Variants in MAPK3 observed in about 807,000 individuals in gnomAD.
The protein encoded by MAPK3 is mitogen-activated protein kinase 3, also known as MAPK 1.
A neutral mutation model predicts 41.8 loss-of-function variants in MAPK3; 30 were observed. The ratio of observed to expected loss-of-function variants is 0.72; its 90% CI spans 0.54 to 0.97. The LOEUF is 0.97. MAPK3 is among the 50% of genes least tolerant of loss of function. The pLI, the probability that MAPK3 is intolerant of heterozygous loss-of-function variation, is 0.00. For synonymous variants in MAPK3, 222 were observed against 213.4 expected, an observed-to-expected ratio of 1.04 and a Z score of -0.35; for missense variants, 413 against 509.9, an observed-to-expected ratio of 0.81 and a Z score of 1.83.
chr16:30,122,034 T>C, intron 1 of MAPK3, 28 bp from the exon 2 acceptor site: 1 of 1,612,674 alleles, frequency 6.2e-7, no homozygotes, highest in Non-Finnish European at 8.5e-7. Flanking sequence ...AGGCTGCTGC[T>C]GTGGCCTTAC....
chr16:30,122,599 A>C, intron 1 of MAPK3: 1 of 170,866 alleles, frequency 5.9e-6, no homozygotes, highest in South Asian at 1.2e-4. Context: ...GCCCTGCCCC[A>C]CCCTGATCTC....
chr16:30,116,887 GGCCC>G lies in MAPK3; in HGVS notation c.1017+3_1017+6del. 1 of 1,613,870 alleles carries G rather than the reference GGCCC, an allele frequency of 6.2e-7. No homozygotes were observed. The highest frequency in any genetic ancestry group is 8.5e-7 in the Non-Finnish European group (1 of 1,179,916). ...CCCAGCCCCACTGCTGCTGGGGACT[GGCCC>G]ACCTCATCCGTCGGGTCATAGTACT... On this transcript the variant is annotated splice_donor_5th_base_variant and intron_variant, in intron 7 of 8. Transcript: ENST00000263025.
chr16:30,122,964 C>T, intron 1 of MAPK3, 76 bp downstream of exon 1: 3 of 1,260,418 alleles, frequency 2.4e-6, no homozygotes, highest in Non-Finnish European at 2.1e-6. Context: ...TCCCGGAAAG[C>T]GCTCGGCGCC....
chr16:30,122,749 T>C, intron 1 of MAPK3: 1 of 316,888 alleles, frequency 3.2e-6, no homozygotes, highest in African/African-American at 2.2e-5. Context: ...CCTCGCCCCG[T>C]GTCACTAGGG....
intron 4 of MAPK3, 66 bp from the exon 5 acceptor site, chr16:30,117,850 G>C: frequency 7.7e-7 from 1 of 1,306,856 alleles, no homozygotes; most frequent in Non-Finnish European, 1.1e-6. Context: ...GTCTGCGCCA[G>C]GCCACCACCT....
chr16:30,118,064 T>C lies in MAPK3; in HGVS notation c.643A>G (p.Ile215Val), dbSNP rs1249867970. Residue 215 changes from isoleucine (I) to valine (V), a missense_variant, in exon 4 of 9, where the codon ATC becomes GTC. By Grantham distance (29) the Ile-to-Val change is conservative. Coordinates refer to ENST00000263025, the MANE Select transcript of MAPK3 (RefSeq NM_002746.3). ...VATRWYRAPE[I>V]MLNSKGYTKS... The stretch of plus-strand genomic sequence containing the variant: ...CCTCCTACCTTGGAGTTCAGCATGA[T>C]CTCTGGGGCCCGGTACCAGCGCGTA... 2 of 1,613,858 alleles carry C rather than the reference T, an allele frequency of 1.2e-6. No individual in the cohort carries two copies. Among genetic ancestry groups the C allele is most frequent in the African/African-American group, 2.7e-5 (2 of 74,884 alleles).
rs2072966610 is a variant in MAPK3 at position 30,117,277 on chromosome 16, C to T, written c.784G>A (p.Gly262Ser). ...DQLNHILGILGSPSQEDLNCI... is the reference protein window; with the variant it reads ...DQLNHILGILSSPSQEDLNCI... ...TTCAGGTCCTCCTGGGATGGGGAGC[C>T]CAGGATGCCTGTGGATAAGGAGGTG... Residue 262 changes from glycine (G) to serine (S), a missense_variant, in exon 6 of 9, where the codon GGC becomes AGC. By Grantham distance (56) the Gly-to-Ser change is moderately conservative (BLOSUM62 0). Coordinates refer to ENST00000263025, the MANE Select transcript of MAPK3 (RefSeq NM_002746.3). 6.2e-7 allele frequency: 1 copy of T among 1,613,716 alleles called. No individual in the cohort carries two copies. The highest frequency in any genetic ancestry group is 1.3e-5 in the African/African-American group (1 of 74,850).
At chr16:30,121,084 G>T (rs1237323841) in intron 2 of MAPK3, among the ~76,000 whole-genome samples, 1 of 151,728 alleles carries the variant, frequency 6.6e-6, no homozygotes, top group Non-Finnish European at 1.5e-5. Flanking sequence ...CTGACACACA[G>T]CAGGCCCTCA....
intron 2 of MAPK3, 149 bp downstream of exon 2, chr16:30,121,674 AC>A: frequency 1.2e-6 from 1 of 804,850 alleles, no homozygotes; most frequent in Non-Finnish European, 1.9e-6. Context: ...AAGTCCTGTT[AC>A]ACTGTGGCTT....
intron 2 of MAPK3, among the ~76,000 whole-genome samples, chr16:30,120,872 T>TG (rs2151047181): frequency 1.3e-5 from 2 of 151,424 alleles, no homozygotes; most frequent in Middle Eastern, 3.4e-3. Flanking sequence ...TTTGTAGAGG[T>TG]GGGGTCTCAC....
chr16:30,122,297 C>T, intron 1 of MAPK3: 1 of 477,134 alleles, frequency 2.1e-6, no homozygotes, highest in Non-Finnish European at 3.8e-6. Context: ...ACCCTTCGCC[C>T]CCATTCCCAG....
At chr16:30,117,495 G>A (rs1227196972) in intron 5 of MAPK3, among the ~76,000 whole-genome samples, 175 bp downstream of exon 5, 1 of 152,048 alleles carries the variant, frequency 6.6e-6, no homozygotes, top group Non-Finnish European at 1.5e-5. Context: ...CTCAGGTGTG[G>A]GACTTAGCCT....
In MAPK3 at chr16:30,123,062, C is replaced by G. The variant is rs2073033657; in HGVS notation, c.148G>C (p.Glu50Gln). ...CACCTGACCATGCCGTACGCGCCCTCGCCGATGTACTGCAACTGCGTGTAG... is the reference window on the plus strand; with the variant it reads ...CACCTGACCATGCCGTACGCGCCCTGGCCGATGTACTGCAACTGCGTGTAG... The part of the protein sequence containing the change: ...PRYTQLQYIG[E>Q]GAYGMVSSAY... Residue 50 changes from glutamate to glutamine, a missense_variant, in exon 1 of 9, where the codon GAG becomes CAG. This residue lies in a region of MAPK3 where 145 missense variants were observed against 133.0 expected (regional missense o/e 1.09). Coordinates refer to ENST00000263025, the MANE Select transcript of MAPK3 (RefSeq NM_002746.3). The G allele has an allele frequency of 6.4e-7, 1 of 1,568,070 alleles. No homozygotes were observed. Among genetic ancestry groups the G allele is most frequent in the Admixed American group, 1.8e-5 (1 of 55,620 alleles).
Position 30,116,747 on chromosome 16 carries a change from TCATC to T in MAPK3, c.1057_1060del (p.Asp353ThrfsTer7). On this transcript the variant is annotated frameshift_variant, in exon 8 of 9. Transcript: ENST00000263025. LOFTEE classifies it high-confidence loss of function. ...CTCCTTCAGCCGCTCCTTAGGTAGG[TCATC>T]CAGCTCCATGGCGAAGGTGAAGGGC... 6.2e-7 allele frequency: 1 copy of T among 1,613,836 alleles called. No homozygotes were observed. The highest frequency in any genetic ancestry group is 8.5e-7 in the Non-Finnish European group (1 of 1,179,958).
Position 30,123,214 on chromosome 16 carries a change from A to ACTCCTCCCCTCCCACCGCC in MAPK3, c.-6_-5insGGCGGTGGGAGGGGAGGAG. The ACTCCTCCCCTCCCACCGCC allele has an allele frequency of 4.9e-6, 4 of 816,400 alleles. No individual in the cohort carries two copies. The highest frequency in any genetic ancestry group is 6.3e-6 in the Non-Finnish European group (4 of 638,012). The allele number at this position is 816,400 out of a possible 1,614,324, so 50.6% of individuals were successfully genotyped here. On this transcript the variant is annotated 5_prime_UTR_variant, in exon 1 of 9. Coordinates refer to ENST00000263025, the MANE Select transcript of MAPK3 (RefSeq NM_002746.3). ...CTGAGCCGCCGCCGCCGCCATCTCC[A>ACTCCTCCCCTCCCACCGCC]CTCCTCCCCTCCCACCGCCCTCCTC...
At position 30,117,109 on chromosome 16, in the gene MAPK3, C is replaced by T. The variant is rs201646998; in HGVS notation, c.907+45G>A. On this transcript the variant is annotated intron_variant, in intron 6 of 8. Transcript: ENST00000263025. ...GGCTGCTGGGCTCACACACCCTCCA[C>T]GACACCCAAGGTTTATCCCACACCC... is the stretch of plus-strand genomic sequence containing the variant. The T allele has an allele frequency of 5.6e-6, 9 of 1,611,004 alleles. No homozygotes were observed. The Admixed American group carries it at 8.3e-5, about 15-fold the overall frequency.
At position 30,117,143 on chromosome 16, in the gene MAPK3, G is replaced by GTC. The variant is rs771143824; in HGVS notation, c.907+9_907+10dup. On this transcript the variant is annotated intron_variant, in intron 6 of 8. Coordinates refer to ENST00000263025, the MANE Select transcript of MAPK3 (RefSeq NM_002746.3). ...AGGTTTATCCCACACCCACCCTCAT[G>GTC]TCTCTCGAACCTTTGGAGTCTGACT... 8.6e-5 allele frequency: 138 copies of GTC among 1,613,910 alleles called. No homozygotes were observed. Among genetic ancestry groups the GTC allele is most frequent in the Non-Finnish European group, 4.1e-5 (48 of 1,179,968 alleles).
intron 3 of MAPK3, 31 bp from the exon 4 acceptor site, chr16:30,118,194 G>A (rs776750265): frequency 5.6e-6 from 9 of 1,595,110 alleles, no homozygotes; most frequent in East Asian, 2.2e-5. Context: ...TAAGCTCGGC[G>A]CTCAAGGCCT....
chr16:30,117,892 GA>G, intron 4 of MAPK3, 108 bp from the exon 5 acceptor site: 1 of 1,080,284 alleles, frequency 9.3e-7, no homozygotes, highest in Non-Finnish European at 1.4e-6. Context: ...GCAGAAGGCA[GA>G]GGCCTGGAGG....
Sources: allele counts gnomAD v4.1 joint callset (sites outside exome capture counted in the v4.1 genomes callset), GRCh38; gene constraint gnomAD v4.1.1; regional missense constraint gnomAD v4.1.1; transcripts MANE v1.5; gene names NCBI Gene and HGNC (gene_info 2026-07-23, HGNC 2026-07-21).